SLC14A2: variants seen among roughly 807,000 people sequenced by gnomAD.
The protein encoded by SLC14A2 is solute carrier family 14 member 2.
A neutral mutation model predicts 104.6 loss-of-function variants in SLC14A2; 91 were observed. The ratio of observed to expected loss-of-function variants is 0.87; its 90% CI spans 0.73 to 1.04. The LOEUF (loss-of-function observed/expected upper bound fraction) is 1.04. SLC14A2 is among the 50% of genes least tolerant of loss of function. SLC14A2 has a pLI of 0.00. For synonymous variants in SLC14A2, 476 were observed against 466.4 expected (o/e 1.02, Z -0.27); for missense variants, 1,189 against 1,156.0 (o/e 1.03, Z -0.41).
the SLC14A2 span, among the ~76,000 whole-genome samples, chr18:45,181,742 A>T: frequency 6.6e-6 from 1 of 152,218 alleles, no homozygotes; most frequent in Non-Finnish European, 1.5e-5. Context: ...CCAATTAATA[A>T]CATCAAAATG....
chr18:45,556,833 G>A (rs987200403), intron 2 of SLC14A2, among the ~76,000 whole-genome samples: 3 of 152,156 alleles, frequency 2.0e-5, no homozygotes, highest in Non-Finnish European at 4.4e-5. Context: ...CTCCCATAGG[G>A]GTACATGGTT....
At chr18:45,282,030 C>A (rs982937935) in intron 1 of SLC14A2, among the ~76,000 whole-genome samples, 4 of 152,120 alleles carry the variant, frequency 2.6e-5, no homozygotes, top group African/African-American at 9.7e-5. Flanking sequence ...TTTCCTGAAT[C>A]TGTGCCTGGA....
intron 1 of SLC14A2, among the ~76,000 whole-genome samples, chr18:45,318,379 C>T (rs1280081277): frequency 6.6e-6 from 1 of 152,188 alleles, no homozygotes. Context: ...TCCTGAGGAA[C>T]AAGCTTCTGC....
chr18:45,292,327 A>G, intron 1 of SLC14A2, among the ~76,000 whole-genome samples: 1 of 152,210 alleles, frequency 6.6e-6, no homozygotes, highest in East Asian at 1.9e-4. Flanking sequence ...TGTATATGTA[A>G]CTAAGTAGGT....
At chr18:45,581,010 A>G (rs75401909) in intron 2 of SLC14A2, among the ~76,000 whole-genome samples, 4,981 of 152,224 alleles carry the variant, frequency 0.033, 287 homozygotes, top group African/African-American at 0.11. Context: ...AAAGGCCTTG[A>G]GAGGAGACAT....
intron 1 of SLC14A2, among the ~76,000 whole-genome samples, chr18:45,386,922 C>A (rs948237598): frequency 1.3e-5 from 2 of 152,194 alleles, no homozygotes; most frequent in African/African-American, 4.8e-5. Flanking sequence ...TAAATGGCAG[C>A]TTGTTATTAT....
At chr18:45,546,026 C>T (rs534839042) in intron 2 of SLC14A2, among the ~76,000 whole-genome samples, 1 of 152,228 alleles carries the variant, frequency 6.6e-6, no homozygotes, top group East Asian at 1.9e-4. Context: ...TTTTGGGAAC[C>T]TTTTGTATAT....
intron 1 of SLC14A2, among the ~76,000 whole-genome samples, chr18:45,449,011 G>A (rs879762484): frequency 6.6e-6 from 1 of 152,202 alleles, no homozygotes; most frequent in Non-Finnish European, 1.5e-5. Context: ...GCGGACATAA[G>A]CAGAGGAAGG....
chr18:45,217,695 C>T (rs2084023267), intron 1 of SLC14A2, among the ~76,000 whole-genome samples: 1 of 152,188 alleles, frequency 6.6e-6, no homozygotes, highest in Non-Finnish European at 1.5e-5. Context: ...ATTGGGATAA[C>T]AGCATTTTGT....
intron 1 of SLC14A2, among the ~76,000 whole-genome samples, chr18:45,317,846 C>G (rs2085145068): frequency 6.6e-6 from 1 of 152,204 alleles, no homozygotes. Flanking sequence ...TCAATCTGAG[C>G]TCAGCCTCTT....
At chr18:45,178,792 C>A in the SLC14A2 span, among the ~76,000 whole-genome samples, 1 of 152,136 alleles carries the variant, frequency 6.6e-6, no homozygotes, top group African/African-American at 2.4e-5. Context: ...AAAGATTCTT[C>A]AACTTACACA....
intron 4 of SLC14A2, among the ~76,000 whole-genome samples, chr18:45,629,863 G>T (rs2045318046): frequency 6.6e-6 from 1 of 152,122 alleles, no homozygotes; most frequent in African/African-American, 2.4e-5. Flanking sequence ...TCATTTGATG[G>T]GTCCTACAGT....
At chr18:45,481,143 G>A (rs560651758) in intron 1 of SLC14A2, among the ~76,000 whole-genome samples, 53 of 152,230 alleles carry the variant, frequency 3.5e-4, no homozygotes, top group African/African-American at 1.3e-3. Flanking sequence ...AGGCTCAGGG[G>A]AGATGTTTTG....
intron 1 of SLC14A2, among the ~76,000 whole-genome samples, chr18:45,296,826 G>T (rs72906615): frequency 6.9e-6 from 1 of 145,914 alleles, no homozygotes; most frequent in Non-Finnish European, 1.5e-5. Context: ...CAGGGTAGCC[G>T]TCATAAAAAT....
chr18:45,660,247 C>A (rs935024880), intron 10 of SLC14A2, among the ~76,000 whole-genome samples: 7 of 152,154 alleles, frequency 4.6e-5, no homozygotes, highest in African/African-American at 1.7e-4. Context: ...ATGGCATAAT[C>A]CTGGCTGTCA....
intron 1 of SLC14A2, among the ~76,000 whole-genome samples, chr18:45,272,528 C>G (rs1364885388): frequency 6.6e-6 from 1 of 151,930 alleles, no homozygotes; most frequent in Non-Finnish European, 1.5e-5. Flanking sequence ...ATCTAAAATT[C>G]AAATCAATTG....
intron 1 of SLC14A2, among the ~76,000 whole-genome samples, chr18:45,473,943 C>G (rs1011511575): frequency 2.0e-5 from 3 of 152,212 alleles, no homozygotes; most frequent in African/African-American, 7.2e-5. Flanking sequence ...AGAGGGCATA[C>G]TTGTCTTGTG....
intron 11 of SLC14A2, among the ~76,000 whole-genome samples, chr18:45,665,057 C>G (rs1476807095): frequency 6.6e-6 from 1 of 152,164 alleles, no homozygotes; most frequent in Non-Finnish European, 1.5e-5. Flanking sequence ...CTTCTGCTTC[C>G]TACTCTTCCT....
chr18:45,315,392 G>T (rs1325106348), intron 1 of SLC14A2, among the ~76,000 whole-genome samples: 1 of 152,176 alleles, frequency 6.6e-6, no homozygotes, highest in African/African-American at 2.4e-5. Context: ...AGCAGAAGGA[G>T]GGTGGGGGAG....
Sources: gnomAD v4.1 joint callset for allele counts (sites outside exome capture counted in the v4.1 genomes callset) on GRCh38, gnomAD v4.1.1 for gene constraint, MANE v1.5 for transcripts, NCBI Gene and HGNC (gene_info 2026-07-23, HGNC 2026-07-21) for gene names.